The following EHBP1 variants were observed in gnomAD, a reference collection of about 807,000 sequenced individuals.
EHBP1 encodes the protein EH domain-binding protein 1.
A neutral mutation model predicts 144.0 loss-of-function variants in EHBP1; 55 were observed. The ratio of observed to expected loss-of-function variants is 0.38; its 90% CI spans 0.31 to 0.48. The LOEUF (loss-of-function observed/expected upper bound fraction) is 0.48. Among genes scored for constraint, EHBP1 ranks in the 20% least tolerant of loss-of-function variants. EHBP1 has a pLI of 0.98. For missense variants in EHBP1, 1,200 were observed against 1,364.2 expected, an observed-to-expected ratio of 0.88 and a Z score of 1.90; for synonymous variants, 469 against 472.7, an observed-to-expected ratio of 0.99 and a Z score of 0.10.
chr2:62,703,777 T>G (rs1333871615), upstream of EHBP1, among the ~76,000 whole-genome samples: 3 of 152,228 alleles, frequency 2.0e-5, no homozygotes, highest in African/African-American at 7.2e-5. Flanking sequence ...AGACACCATT[T>G]AAAACTTATT....
chr2:62,883,455 C>T (rs1271326661), intron 10 of EHBP1, among the ~76,000 whole-genome samples: 2 of 152,264 alleles, frequency 1.3e-5, no homozygotes, highest in East Asian at 3.9e-4. Context: ...CAGACATAGA[C>T]ATTAGAGACA....
At chr2:62,817,687 G>C (rs1247345651) in intron 5 of EHBP1, among the ~76,000 whole-genome samples, 1 of 152,162 alleles carries the variant, frequency 6.6e-6, no homozygotes. Context: ...AGTTTAAAGG[G>C]TATTAATCCA....
chr2:62,716,303 A>T (rs1431934536), intron 2 of EHBP1, among the ~76,000 whole-genome samples: 1 of 152,058 alleles, frequency 6.6e-6, no homozygotes, highest in African/African-American at 2.4e-5. Flanking sequence ...CAACTCCCCC[A>T]CCCAACAGAA....
Position 62,747,413 on chromosome 2 carries a change from G to A in EHBP1, c.123G>A (p.Val41=). ...CTKKWQPDKL[V]VVWTRRSRRK... ...TTGGCAGGCAACCAGATAAACTGGT[G>A]GTAGTTTGGACCAGAAGAAGCCGAA... The change falls in exon 3 of 23, where the codon GTG becomes GTA. Residue 41 remains valine, a synonymous_variant. Transcript: ENST00000431489. The A allele has an allele frequency of 6.2e-7, 1 of 1,609,404 alleles. No homozygotes were observed. Among genetic ancestry groups the A allele is most frequent in the Non-Finnish European group, 8.5e-7 (1 of 1,177,700 alleles).
At chr2:62,966,179 G>T (rs1007705589) in intron 14 of EHBP1, among the ~76,000 whole-genome samples, 11 of 152,258 alleles carry the variant, frequency 7.2e-5, no homozygotes, top group Admixed American at 7.2e-4. Flanking sequence ...TTGCATCAGA[G>T]TACTGTATTT....
At chr2:62,771,418 CT>C in intron 5 of EHBP1, 26 bp downstream of exon 5, 1 of 1,552,140 alleles carries the variant, frequency 6.4e-7, no homozygotes, top group Admixed American at 1.9e-5. Context: ...ATTCCTTCAC[CT>C]TTCACATTTT....
chr2:62,853,895 T>C (rs952405462), intron 7 of EHBP1, among the ~76,000 whole-genome samples: 2 of 152,170 alleles, frequency 1.3e-5, no homozygotes, highest in Non-Finnish European at 2.9e-5. Context: ...AAGGCGTCTT[T>C]TTTTCTGCAC....
chr2:62,976,453 A>G (rs1023855694), intron 14 of EHBP1, among the ~76,000 whole-genome samples: 3 of 152,178 alleles, frequency 2.0e-5, no homozygotes, highest in Non-Finnish European at 2.9e-5. Flanking sequence ...AAATACATCA[A>G]TGTCTCACCA....
intron 10 of EHBP1, among the ~76,000 whole-genome samples, chr2:62,926,840 G>A (rs1168112576): frequency 6.6e-6 from 1 of 152,070 alleles, no homozygotes; most frequent in African/African-American, 2.4e-5. Context: ...CTACTACTGA[G>A]TATTTATCCA....
At chr2:63,043,827 GAA>G (rs2061785347) in intron 21 of EHBP1, 1 of 143,964 alleles carries the variant, frequency 6.9e-6, no homozygotes, top group Non-Finnish European at 1.5e-5. Context: ...AATGGAGAGA[GAA>G]GAGAGAAACC....
At chr2:62,702,144 T>A (rs1181674893), upstream of EHBP1, among the ~76,000 whole-genome samples, 1 of 152,252 alleles carries the variant, frequency 6.6e-6, no homozygotes, top group African/African-American at 2.4e-5. Context: ...AAATAATTTC[T>A]GTCATTTTCA....
At chr2:62,785,874 C>T (rs911573184) in intron 5 of EHBP1, among the ~76,000 whole-genome samples, 6 of 152,004 alleles carry the variant, frequency 3.9e-5, no homozygotes, top group African/African-American at 7.2e-5. Flanking sequence ...ATGAAACTTA[C>T]GAAACTTTTT....
intron 3 of EHBP1, among the ~76,000 whole-genome samples, chr2:62,754,744 A>G (rs1485919355): frequency 2.0e-5 from 3 of 152,190 alleles, no homozygotes; most frequent in Non-Finnish European, 4.4e-5. Flanking sequence ...CGACTGCTGT[A>G]CTAGCAATGG....
At chr2:62,879,468 A>G (rs1172066757) in intron 10 of EHBP1, among the ~76,000 whole-genome samples, 1 of 151,984 alleles carries the variant, frequency 6.6e-6, no homozygotes, top group Admixed American at 6.6e-5. Flanking sequence ...ACAAAAATCC[A>G]TAACATTTCT....
At chr2:62,746,378 TTA>T (rs1037087610) in intron 2 of EHBP1, among the ~76,000 whole-genome samples, 4 of 152,002 alleles carry the variant, frequency 2.6e-5, no homozygotes, top group Non-Finnish European at 5.9e-5. Context: ...TGGAGGCCTC[TTA>T]TGTGTGTGTA....
chr2:62,743,585 A>G (rs1478347619), intron 2 of EHBP1, among the ~76,000 whole-genome samples: 1 of 152,126 alleles, frequency 6.6e-6, no homozygotes, highest in African/African-American at 2.4e-5. Context: ...ATGGAAAGTG[A>G]TGGGACTGAT....
rs182899274 is a variant in EHBP1, at chr2:62,726,359, A to G, written c.104+19064A>G. Among the ~76,000 whole-genome samples, 7 of 152,234 alleles carry G rather than the reference A, an allele frequency of 4.6e-5. No individual in the cohort carries two copies. In the East Asian group the frequency reaches 1.2e-3, roughly 25 times the overall value. ...TCACCCAGTCTCCTGGAATCCTTGG[A>G]GGCCTGGAATGATTACTGGTGTGCG... is the stretch of plus-strand genomic sequence containing the variant. On this transcript the variant is annotated intron_variant, in intron 2 of 22. Transcript: ENST00000431489.
chr2:62,816,632 C>A (rs2045468869), intron 5 of EHBP1, among the ~76,000 whole-genome samples: 1 of 152,076 alleles, frequency 6.6e-6, no homozygotes, highest in African/African-American at 2.4e-5. Flanking sequence ...GGAAGAGGAG[C>A]CTGTAAAGAA....
chr2:62,815,085 A>G (rs1026078188), intron 5 of EHBP1, among the ~76,000 whole-genome samples: 2 of 152,246 alleles, frequency 1.3e-5, no homozygotes, highest in African/African-American at 4.8e-5. Context: ...AGGGTTCATC[A>G]TAGCTTTCCC....
Sources: gnomAD v4.1 joint callset for allele counts (sites outside exome capture counted in the v4.1 genomes callset) on GRCh38, gnomAD v4.1.1 for gene constraint, MANE v1.5 for transcripts, NCBI Gene and HGNC (gene_info 2026-07-23, HGNC 2026-07-21) for gene names.